MADD: variants seen among roughly 807,000 people sequenced by gnomAD.
The protein encoded by MADD is MAP kinase-activating death domain protein.
A neutral mutation model predicts 176.7 loss-of-function variants in MADD; 109 were observed. The ratio of observed to expected loss-of-function variants is 0.62; its 90% CI spans 0.53 to 0.72. The LOEUF (loss-of-function observed/expected upper bound fraction) is 0.72. Ranked by LOEUF, MADD falls within the 30% of genes least tolerant of loss-of-function variation. MADD has a pLI of 0.00. For missense variants in MADD, 1,914 were observed against 2,045.5 expected, an observed-to-expected ratio of 0.94 and a Z score of 1.24; for synonymous variants, 771 against 771.3, an observed-to-expected ratio of 1.00 and a Z score of 0.01.
intron 23 of MADD, 82 bp downstream of exon 25, chr11:47,308,781 G>T: frequency 8.2e-7 from 1 of 1,224,676 alleles, no homozygotes; most frequent in Admixed American, 1.9e-5. Context: ...ACAAGTAGCT[G>T]GTTGTCTTTC....
chr11:47,274,032 C>A, intron 2 of MADD, 56 bp downstream of exon 2: 1 of 1,482,698 alleles, frequency 6.7e-7, no homozygotes, highest in Non-Finnish European at 9.4e-7. Flanking sequence ...ATAAAATCTG[C>A]AGTTGTTCCC....
intron 22 of MADD, among the ~76,000 whole-genome samples, chr11:47,304,308 G>A (rs1479255755): frequency 4.0e-5 from 6 of 150,172 alleles, no homozygotes; most frequent in Admixed American, 6.7e-5. Context: ...TCGGCTCACC[G>A]CAACCTCTGA....
At chr11:47,311,741 A>G in exon 26 of MADD, 2 of 1,609,984 alleles carry the variant, frequency 1.2e-6, no homozygotes, top group Non-Finnish European at 1.7e-6. Context: ...GGTAAATAAG[A>G]ATGACATCCG....
exon 10 of MADD, chr11:47,282,865 G>A: frequency 6.2e-7 from 1 of 1,614,138 alleles, no homozygotes; most frequent in Non-Finnish European, 8.5e-7. Context: ...ATGCTCATCA[G>A]CTGCAGCCTA....
intron 22 of MADD, among the ~76,000 whole-genome samples, chr11:47,306,038 A>G (rs1295471428): frequency 2.6e-5 from 4 of 152,154 alleles, no homozygotes; most frequent in Non-Finnish European, 4.4e-5. Flanking sequence ...GCTAGGATGC[A>G]TGACTGCCCT....
chr11:47,272,915 T>C (rs1300507045), intron 1 of MADD, among the ~76,000 whole-genome samples: 1 of 152,214 alleles, frequency 6.6e-6, no homozygotes, highest in East Asian at 1.9e-4. Flanking sequence ...GCAGAGCTAG[T>C]AGCAGTGGCC....
chr11:47,292,687 A>G lies in MADD; in HGVS notation c.3302-1196A>G, dbSNP rs2066394752. On this transcript the variant is annotated intron_variant, in intron 19 of 32. Transcript: ENST00000402192. ...GGGGCAGGCTCCCTTTGTCAGCCCC[A>G]CCCCAAATTTGCTCTTAGAGCGTGT... 6 of 1,307,956 alleles carry G rather than the reference A, an allele frequency of 4.6e-6. No individual in the cohort carries two copies. The South Asian group carries it at 7.1e-5, about 16-fold the overall frequency. The allele number at this position is 1,307,956 out of a possible 1,614,324, so 81.0% of individuals were successfully genotyped here.
At position 47,285,447 on chromosome 11, in the gene MADD, C is replaced by T; in HGVS notation, c.2412-4C>T. On this transcript the variant is annotated splice_region_variant and splice_polypyrimidine_tract_variant and intron_variant, in intron 13 of 32. Transcript: ENST00000402192. ...GGGATCATAGGTGCCTCTGTGCATT[C>T]AAGGGCTCAAAAGCTGCTGCGGCCC... The T allele has an allele frequency of 1.2e-6, 2 of 1,614,088 alleles. No homozygotes were observed. Among genetic ancestry groups the T allele is most frequent in the Non-Finnish European group, 8.5e-7 (1 of 1,180,012 alleles).
intron 22 of MADD, among the ~76,000 whole-genome samples, chr11:47,308,331 T>C (rs934469142): frequency 1.3e-5 from 2 of 152,248 alleles, no homozygotes; most frequent in Non-Finnish European, 2.9e-5. Context: ...TTAATCTGAT[T>C]GTTGTTTTTG....
chr11:47,283,999 T>C (rs537353583), intron 10 of MADD, among the ~76,000 whole-genome samples, 179 bp from the exon 11 acceptor site: 1 of 152,398 alleles, frequency 6.6e-6, no homozygotes, highest in East Asian at 1.9e-4. Flanking sequence ...TGGGCCACTG[T>C]CCCGGCCCCC....
At chr11:47,327,148 CTAT>C in intron 31 of MADD, 1 of 1,065,830 alleles carries the variant, frequency 9.4e-7, no homozygotes, top group Non-Finnish European at 1.1e-6. Flanking sequence ...CCAAGCTCCA[CTAT>C]GTCCATGTCA....
intron 15 of MADD, among the ~76,000 whole-genome samples, chr11:47,286,759 CTG>C (rs1049043136): frequency 1.3e-5 from 2 of 152,200 alleles, no homozygotes; most frequent in African/African-American, 2.4e-5. Context: ...ACAATGGCAA[CTG>C]TGGGATTACT....
exon 24 of MADD, chr11:47,309,388 G>A: frequency 6.2e-7 from 1 of 1,614,202 alleles, no homozygotes. Flanking sequence ...GGGTCCCCAG[G>A]AAATGATCGA....
intron 5 of MADD, among the ~76,000 whole-genome samples, 164 bp from the exon 6 acceptor site, chr11:47,278,001 C>T (rs963584669): frequency 1.3e-5 from 2 of 152,178 alleles, no homozygotes; most frequent in African/African-American, 4.8e-5. Flanking sequence ...TACCATGTTA[C>T]CTTTCAAAAA....
Position 47,273,821 on chromosome 11 carries a change from T to G in MADD, c.-88-6T>G. The G allele has an allele frequency of 2.8e-6, 3 of 1,089,720 alleles. No individual in the cohort carries two copies. The highest frequency in any genetic ancestry group is 4.2e-6 in the Non-Finnish European group (3 of 712,848). The allele number at this position is 1,089,720 out of a possible 1,614,324, so 67.5% of individuals were successfully genotyped here. A position where few individuals can be genotyped will look rare whatever the true frequency, so the allele number is the denominator to read the frequency against. ...TGGATCTTATCAGTACTTTTTTTCCTATTAGACTTCGATTTTCAGAATTCC... is the reference window on the plus strand; with the variant it reads ...TGGATCTTATCAGTACTTTTTTTCCGATTAGACTTCGATTTTCAGAATTCC... On this transcript the variant is annotated splice_polypyrimidine_tract_variant and splice_region_variant and intron_variant, in intron 1 of 32. Coordinates refer to ENST00000402192, the Ensembl canonical transcript of MADD.
intron 6 of MADD, 83 bp from the exon 7 acceptor site, chr11:47,278,916 C>T (rs1591914842): frequency 8.1e-6 from 9 of 1,107,216 alleles, no homozygotes; most frequent in East Asian, 5.0e-5. Context: ...AATGTATATA[C>T]GTCCTCTTAT....
At chr11:47,282,459 T>A (rs763884329) in exon 9 of MADD, 9 of 1,614,064 alleles carry the variant, frequency 5.6e-6, no homozygotes, top group African/African-American at 1.3e-5. Context: ...TGCGCCTCTT[T>A]CCTCGGCCTG....
At chr11:47,272,151 T>C (rs10742799) in intron 1 of MADD, 59,932 of 152,046 alleles carry the variant, frequency 0.39, 12,721 homozygotes, top group East Asian at 0.69. Context: ...GGGCCTTGGC[T>C]GACTCTGGAG....
intron 22 of MADD, among the ~76,000 whole-genome samples, chr11:47,303,957 G>C (rs976996315): frequency 4.6e-5 from 7 of 152,048 alleles, no homozygotes; most frequent in Non-Finnish European, 7.4e-5. Flanking sequence ...TGAGCTTCCT[G>C]GATCTGGCTG....
Sources: gnomAD v4.1 joint callset for allele counts (sites outside exome capture counted in the v4.1 genomes callset) on GRCh38, gnomAD v4.1.1 for gene constraint, MANE v1.5 for transcripts, NCBI Gene and HGNC (gene_info 2026-07-23, HGNC 2026-07-21) for gene names.